Variants in RPF2 observed in about 807,000 individuals in gnomAD.
RPF2 encodes the protein ribosome production factor 2 homolog.
RPF2 carries 21 observed loss-of-function variants against 38.9 expected under a neutral mutation model. The ratio of observed to expected loss-of-function variants is 0.54; its 90% confidence interval spans 0.38 to 0.78. The LOEUF is 0.78. RPF2 is among the 30% of genes least tolerant of loss of function. The probability of loss-of-function intolerance (pLI) is 0.00; values close to 1 mark genes in which losing one functional copy is unlikely to be tolerated. For synonymous variants in RPF2, 121 were observed against 126.2 expected, an observed-to-expected ratio of 0.96 and a Z score of 0.28; for missense variants, 314 against 358.1, an observed-to-expected ratio of 0.88 and a Z score of 0.99.
rs752217945 is a variant in RPF2 at position 111,024,214 on chromosome 6, C to A, written c.628C>A (p.Pro210Thr). ...LLLKKSGCRTPRIELEEMGPS... is the reference protein window; with the variant it reads ...LLLKKSGCRTTRIELEEMGPS... ...GTTGAAGAAATCTGGTTGCAGAACA[C>A]CACGGATTGAATTGGAAGAGATGGG... is the stretch of plus-strand genomic sequence containing the variant. The change falls in exon 9 of 10, where the codon CCA becomes ACA. Residue 210 changes from proline to threonine, a missense_variant. By Grantham distance (38) the Pro-to-Thr change is conservative. Coordinates refer to ENST00000441448, the MANE Select transcript of RPF2 (RefSeq NM_032194.3). 4 of 1,609,420 alleles carry A rather than the reference C, an allele frequency of 2.5e-6. No homozygotes were observed. The South Asian group carries it at 4.4e-5, about 18-fold the overall frequency.
chr6:111,021,421 T>C (rs1006448217), intron 8 of RPF2, among the ~76,000 whole-genome samples: 1 of 152,216 alleles, frequency 6.6e-6, no homozygotes, highest in Non-Finnish European at 1.5e-5. Context: ...AGTGAGCTGC[T>C]ACTTGAAAGA....
chr6:111,007,556 C>T (rs1013328920), intron 6 of RPF2, among the ~76,000 whole-genome samples: 2 of 151,986 alleles, frequency 1.3e-5, no homozygotes, highest in African/African-American at 4.8e-5. Flanking sequence ...AAAAACCCAC[C>T]TCTGTTTTTG....
At chr6:110,992,561 C>T (rs984303102) in intron 4 of RPF2, among the ~76,000 whole-genome samples, 3 of 151,576 alleles carry the variant, frequency 2.0e-5, no homozygotes, top group Non-Finnish European at 4.4e-5. Context: ...TACAGGTGTA[C>T]ACCATCACAC....
chr6:110,992,840 G>A (rs997643181), intron 4 of RPF2, among the ~76,000 whole-genome samples: 1 of 152,166 alleles, frequency 6.6e-6, no homozygotes, highest in South Asian at 2.1e-4. Flanking sequence ...ACTTTGGGAG[G>A]CCAAGGCAGG....
intron 7 of RPF2, among the ~76,000 whole-genome samples, chr6:111,015,106 G>C (rs777676870): frequency 3.9e-5 from 6 of 152,150 alleles, no homozygotes; most frequent in Non-Finnish European, 8.8e-5. Context: ...GAAATTTTAT[G>C]TCCCTATTGT....
At chr6:111,017,255 T>C (rs200169936) in intron 8 of RPF2, among the ~76,000 whole-genome samples, 24,098 of 135,992 alleles carry the variant, frequency 0.18, 2,447 homozygotes, top group East Asian at 0.54. Context: ...CCAGAAGGGG[T>C]GGCCGGGCAG....
Position 111,012,387 on chromosome 6 carries a change from GTCTCAGA to G in RPF2, c.494-3366_494-3360del, listed in dbSNP as rs566411248. On this transcript the variant is annotated intron_variant, in intron 7 of 9. Coordinates refer to ENST00000441448, the MANE Select transcript of RPF2 (RefSeq NM_032194.3). ...AGGTCTTGCTGCATTGCTTGGGCTG[GTCTCAGA>G]GTCCTAGGCTCAAGCAGCCCTCCAG... Among the ~76,000 whole-genome samples the G allele has an allele frequency of 1.6e-3, 249 of 152,024 alleles. 5 individuals carry two copies. The South Asian group carries it at 0.017, about 10-fold the overall frequency.
chr6:110,992,711 A>C (rs918405719), intron 4 of RPF2, among the ~76,000 whole-genome samples: 12 of 152,286 alleles, frequency 7.9e-5, no homozygotes, highest in South Asian at 2.1e-4. Flanking sequence ...AGTGAAATCA[A>C]AGATTGTTTA....
chr6:111,020,491 G>A lies in RPF2; in HGVS notation c.597-3692G>A, dbSNP rs10434874. 0.047 allele frequency among the ~76,000 whole-genome samples: 7,130 copies of A among 152,250 alleles called. 804 individuals carry two copies. The East Asian group carries it at 0.5, about 11-fold the overall frequency. On this transcript the variant is annotated intron_variant, in intron 8 of 9. Coordinates refer to ENST00000441448, the MANE Select transcript of RPF2 (RefSeq NM_032194.3). Reference sequence around the variant, plus strand: ...CGCAGAAAGTATTCACTTGTATTTAGTGAAAAGGGTTTATTTGTAAAGAAA... The same window carrying A: ...CGCAGAAAGTATTCACTTGTATTTAATGAAAAGGGTTTATTTGTAAAGAAA...
intron 1 of RPF2, among the ~76,000 whole-genome samples, chr6:110,984,161 C>T (rs1771482959): frequency 6.6e-6 from 1 of 152,158 alleles, no homozygotes; most frequent in Non-Finnish European, 1.5e-5. Context: ...CTGGCATTCT[C>T]AGCAATGATG....
chr6:111,010,371 C>T (rs1170555635), intron 7 of RPF2, among the ~76,000 whole-genome samples: 1 of 152,184 alleles, frequency 6.6e-6, no homozygotes, highest in African/African-American at 2.4e-5. Flanking sequence ...AGCAATCCAC[C>T]TGCCTCAGCT....
chr6:110,998,638 G>T (rs890764405), intron 5 of RPF2, among the ~76,000 whole-genome samples: 2 of 152,156 alleles, frequency 1.3e-5, no homozygotes, highest in Admixed American at 1.3e-4. Context: ...CACAGAGCTT[G>T]TTACAGTAGA....
At chr6:111,005,277 G>GT (rs370101171) in intron 6 of RPF2, among the ~76,000 whole-genome samples, 137 of 151,950 alleles carry the variant, frequency 9.0e-4, no homozygotes, top group South Asian at 6.0e-3. Context: ...TTTTTGTACT[G>GT]TTTTTTTTGT....
intron 4 of RPF2, among the ~76,000 whole-genome samples, chr6:110,996,974 G>A (rs1337543247): frequency 6.6e-6 from 1 of 151,962 alleles, no homozygotes; most frequent in African/African-American, 2.4e-5. Context: ...GCTGTCTTTT[G>A]TATTTTTAGT....
In RPF2 at chr6:111,027,131, CT is replaced by C. The variant is rs1273996533; in HGVS notation, c.*1550del. ...CATGCCTTTATGTAAGCTTGCTCAG[CT>C]ACAGATCAACAATGCTGGCACTAAG... On this transcript the variant is annotated 3_prime_UTR_variant, in exon 10 of 10. Coordinates refer to ENST00000441448, the MANE Select transcript of RPF2 (RefSeq NM_032194.3). The C allele has an allele frequency of 3.9e-5, 6 of 152,278 alleles. No homozygotes were observed. Among genetic ancestry groups the C allele is most frequent in the African/African-American group, 1.4e-4 (6 of 41,556 alleles). 9.4% of individuals were successfully genotyped at this position (152,278 alleles called of 1,614,324 possible).
intron 7 of RPF2, among the ~76,000 whole-genome samples, chr6:111,008,810 G>A (rs9372288): frequency 3.3e-5 from 5 of 149,956 alleles, no homozygotes; most frequent in Non-Finnish European, 5.9e-5. Flanking sequence ...TTCTGATATT[G>A]CTCTTATTTA....
intron 1 of RPF2, among the ~76,000 whole-genome samples, chr6:110,984,028 C>CA (rs1771479927): frequency 6.6e-6 from 1 of 151,398 alleles, no homozygotes; most frequent in Admixed American, 6.6e-5. Flanking sequence ...GACTCTGTCT[C>CA]AAAAAAATAA....
rs1392678088 is a variant in RPF2, at chr6:110,982,080, G to A, written c.-27G>A. 1.2e-6 allele frequency: 2 copies of A among 1,613,946 alleles called. No homozygotes were observed. Among genetic ancestry groups the A allele is most frequent in the Admixed American group, 3.3e-5 (2 of 60,008 alleles). On this transcript the variant is annotated 5_prime_UTR_variant, in exon 1 of 10. Transcript: ENST00000441448. Reference sequence around the variant, plus strand: ...CGCCGAGGGCACGTGCATGCCCCCTGGTTAAGAGTTGCAGGTAGCGGTAGC... The same window carrying A: ...CGCCGAGGGCACGTGCATGCCCCCTAGTTAAGAGTTGCAGGTAGCGGTAGC...
chr6:110,988,878 G>A (rs1771569391), intron 2 of RPF2, 150 bp from the exon 3 acceptor site: 7 of 951,132 alleles, frequency 7.4e-6, no homozygotes, highest in Non-Finnish European at 4.6e-6. Flanking sequence ...TCAAGTTACT[G>A]TAAGTGATGA....
Sources: gnomAD v4.1 joint callset for allele counts (sites outside exome capture counted in the v4.1 genomes callset) on GRCh38, gnomAD v4.1.1 for gene constraint, MANE v1.5 for transcripts, NCBI Gene and HGNC (gene_info 2026-07-23, HGNC 2026-07-21) for gene names.